Variants in PHLDB2 observed in about 807,000 individuals in gnomAD.
PHLDB2 encodes pleckstrin homology like domain family B member 2.
Under a neutral mutation model 123.6 loss-of-function variants are expected in PHLDB2, and 71 were observed. That is an observed-to-expected ratio of 0.57 (90% CI 0.47 to 0.70). PHLDB2 has a LOEUF of 0.70. Among genes scored for constraint, PHLDB2 ranks in the 30% least tolerant of loss-of-function variants. The pLI is 0.00. For missense variants in PHLDB2, 1,446 were observed against 1,519.5 expected (o/e 0.95, Z 0.80); for synonymous variants, 547 against 541.6 (o/e 1.01, Z -0.14).
chr3:111,766,102 T>G (rs2060075795), intron 1 of PHLDB2, among the ~76,000 whole-genome samples: 1 of 152,234 alleles, frequency 6.6e-6, no homozygotes, highest in Admixed American at 6.5e-5. Context: ...TTGTAAATCA[T>G]GAAGCAGTAA....
intron 1 of PHLDB2, among the ~76,000 whole-genome samples, chr3:111,837,773 T>C (rs2063483885): frequency 6.6e-6 from 1 of 152,184 alleles, no homozygotes. Context: ...CCGGGCACGG[T>C]GGTTCACACC....
At position 111,884,714 on chromosome 3, in the gene PHLDB2, A is replaced by G; in HGVS notation, c.637A>G (p.Ile213Val). The change falls in exon 2 of 18, where the codon ATT (isoleucine) becomes GTT (valine). Residue 213 changes from isoleucine to valine, a missense_variant. By Grantham distance (29) the Ile-to-Val change is conservative. This residue lies in a region of PHLDB2 where 832 missense variants were observed against 831.9 expected (regional missense o/e 1.00). Transcript: ENST00000431670. ...CCCAAAGCAAGCCAGGAAAATGAGC[A>G]TTCAGGACAGCCTGGCGCTTCAACC... ...SSPKQARKMS[I>V]QDSLALQPKL... is the part of the protein sequence containing the mutation. 6.2e-7 allele frequency: 1 copy of G among 1,614,156 alleles called. No individual in the cohort carries two copies.
At chr3:111,827,685 C>CAAAAA (rs565813163) in intron 1 of PHLDB2, among the ~76,000 whole-genome samples, 2 of 73,184 alleles carry the variant, frequency 2.7e-5, no homozygotes, top group African/African-American at 4.1e-5. Flanking sequence ...GAATCCGTCT[C>CAAAAA]AAAAAAAAAA....
intron 1 of PHLDB2, among the ~76,000 whole-genome samples, chr3:111,865,484 C>T (rs2108672602): frequency 6.6e-6 from 1 of 152,202 alleles, no homozygotes; most frequent in South Asian, 2.1e-4. Context: ...ATGAGCACTC[C>T]TGTGTTATTT....
intron 7 of PHLDB2, 143 bp downstream of exon 7, chr3:111,939,773 C>A: frequency 2.7e-6 from 2 of 730,384 alleles, no homozygotes; most frequent in Non-Finnish European, 4.3e-6. Context: ...CCAAATTAGA[C>A]AAATTGAGAC....
chr3:111,858,914 C>A (rs2064643361), upstream of PHLDB2, among the ~76,000 whole-genome samples: 1 of 152,192 alleles, frequency 6.6e-6, no homozygotes, highest in African/African-American at 2.4e-5. Context: ...TCCAATAAAG[C>A]ATTGGCTGGT....
At chr3:111,887,794 C>A (rs1435216711) in intron 2 of PHLDB2, among the ~76,000 whole-genome samples, 1 of 152,038 alleles carries the variant, frequency 6.6e-6, no homozygotes, top group Non-Finnish European at 1.5e-5. Flanking sequence ...ACTAAAAAGT[C>A]CTGAAAATCT....
intron 2 of PHLDB2, among the ~76,000 whole-genome samples, chr3:111,892,385 A>C (rs962277587): frequency 1.3e-5 from 2 of 152,150 alleles, no homozygotes; most frequent in African/African-American, 4.8e-5. Context: ...CTTGCTCACC[A>C]CTATAGATGC....
chr3:111,809,953 A>G (rs2061756410), intron 1 of PHLDB2, among the ~76,000 whole-genome samples: 1 of 152,204 alleles, frequency 6.6e-6, no homozygotes, highest in Non-Finnish European at 1.5e-5. Flanking sequence ...CAGCCTCCCA[A>G]GTAGCTGGGA....
At chr3:111,915,283 G>C (rs983592021) in intron 3 of PHLDB2, 1 of 152,136 alleles carries the variant, frequency 6.6e-6, no homozygotes, top group African/African-American at 2.4e-5. Context: ...TTATTCAGGG[G>C]AGTTTGCGTG....
At chr3:111,769,475 T>C (rs184770074) in intron 1 of PHLDB2, among the ~76,000 whole-genome samples, 134 of 152,316 alleles carry the variant, frequency 8.8e-4, no homozygotes, top group Middle Eastern at 6.8e-3. Flanking sequence ...CAAGTATTCA[T>C]TATCTGTCTT....
intron 1 of PHLDB2, among the ~76,000 whole-genome samples, chr3:111,748,444 C>G (rs767198430): frequency 1.3e-5 from 2 of 152,150 alleles, no homozygotes; most frequent in Non-Finnish European, 2.9e-5. Flanking sequence ...GCAAAATAGT[C>G]AAAAGTCCAT....
At chr3:111,866,930 G>GGTGTGTGTGT (rs3082321) in intron 1 of PHLDB2, among the ~76,000 whole-genome samples, 15,815 of 125,578 alleles carry the variant, frequency 0.13, 1,095 homozygotes, top group Middle Eastern at 0.21. Context: ...GTTTCTAAGG[G>GGTGTGTGTGT]GTGTGTGTGT....
chr3:111,845,851 A>G, exon 2 of PHLDB2: 1 of 1,614,168 alleles, frequency 6.2e-7, no homozygotes, highest in East Asian at 2.2e-5. Flanking sequence ...ATCCTTTGAG[A>G]TTCAGCAGAA....
intron 10 of PHLDB2, among the ~76,000 whole-genome samples, chr3:111,949,524 G>C (rs992799684): frequency 4.6e-5 from 7 of 152,154 alleles, no homozygotes; most frequent in African/African-American, 1.7e-4. Flanking sequence ...TACCTTCAGT[G>C]ATCCAAGTCG....
At chr3:111,754,261 A>G (rs1394717092) in intron 1 of PHLDB2, among the ~76,000 whole-genome samples, 3 of 143,980 alleles carry the variant, frequency 2.1e-5, no homozygotes, top group Non-Finnish European at 4.5e-5. Flanking sequence ...TTTTCACGAT[A>G]TTGATTCTTC....
At chr3:111,779,002 T>G (rs2060318255) in intron 1 of PHLDB2, among the ~76,000 whole-genome samples, 1 of 152,092 alleles carries the variant, frequency 6.6e-6, no homozygotes, top group African/African-American at 2.4e-5. Flanking sequence ...TTCTCAATAG[T>G]GGCTCTCAAA....
Position 111,974,530 on chromosome 3 carries a change from G to T in PHLDB2, c.3729G>T (p.Thr1243=), listed in dbSNP as rs201303302. ...AMRIWMDVIV[T]GAEGYTHFLL ...GGATCTGGATGGATGTTATAGTTAC[G>T]GGGGCAGAAGGTTACACTCACTTCT... is the stretch of plus-strand genomic sequence containing the variant. The change falls in exon 18 of 18, where the codon ACG becomes ACT. Residue 1243 remains threonine, a synonymous_variant. Coordinates refer to ENST00000431670, the MANE Select transcript of PHLDB2 (RefSeq NM_001134438.2). 6.8e-6 allele frequency: 11 copies of T among 1,613,014 alleles called. 1 individual carries two copies. In the South Asian group the frequency reaches 1.2e-4, roughly 18 times the overall value.
intron 1 of PHLDB2, among the ~76,000 whole-genome samples, chr3:111,830,997 GAA>G (rs1328473540): frequency 1.2e-5 from 1 of 80,228 alleles, no homozygotes; most frequent in African/African-American, 6.9e-5. Flanking sequence ...AAGAAAGAAA[GAA>G]AGAAAGAAAG....
Sources: allele counts gnomAD v4.1 joint callset (sites outside exome capture counted in the v4.1 genomes callset), GRCh38; gene constraint gnomAD v4.1.1; regional missense constraint gnomAD v4.1.1; transcripts MANE v1.5; gene names NCBI Gene and HGNC (gene_info 2026-07-23, HGNC 2026-07-21).